The following KIAA2012 variants were observed in gnomAD, a reference collection of about 807,000 sequenced individuals.
The protein encoded by KIAA2012 is uncharacterized protein KIAA2012.
KIAA2012 carries 125 observed loss-of-function variants against 150.6 expected under a neutral mutation model. The ratio of observed to expected loss-of-function variants is 0.83; its 90% CI spans 0.72 to 0.96. The LOEUF (loss-of-function observed/expected upper bound fraction) is 0.96. KIAA2012 is among the 40% of genes least tolerant of loss of function. The probability of loss-of-function intolerance (pLI) is 0.00; values close to 1 mark genes in which losing one functional copy is unlikely to be tolerated. For synonymous variants in KIAA2012, 462 were observed against 504.7 expected (o/e 0.92, Z 1.13); for missense variants, 1,219 against 1,354.9 (o/e 0.90, Z 1.57).
At chr2:202,135,331 A>G (rs565848488) in intron 12 of KIAA2012, among the ~76,000 whole-genome samples, 84 of 152,360 alleles carry the variant, frequency 5.5e-4, no homozygotes, top group African/African-American at 1.9e-3. Flanking sequence ...GAATGTGCAC[A>G]CCAGTTTCTG....
chr2:202,080,415 C>T (rs1266161312), intron 2 of KIAA2012, among the ~76,000 whole-genome samples: 2 of 152,084 alleles, frequency 1.3e-5, no homozygotes, highest in South Asian at 4.1e-4. Context: ...TGACTGGGGC[C>T]GGGCACGATG....
chr2:202,202,104 T>C lies in KIAA2012; in HGVS notation c.3408-325T>C, dbSNP rs534585102. Among the ~76,000 whole-genome samples, 5 of 152,278 alleles carry C rather than the reference T, an allele frequency of 3.3e-5. No homozygotes were observed. In the South Asian group the frequency reaches 1.0e-3, roughly 32 times the overall value. On this transcript the variant is annotated intron_variant, in intron 22 of 23. Coordinates refer to ENST00000498697, the MANE Select transcript of KIAA2012 (RefSeq NM_001277372.4). ...AACACCTGGCCTATCTGCCTGCCTC[T>C]ACCTCCCAAAGTGCTGCGATTGCAG... is the stretch of plus-strand genomic sequence containing the variant.
intron 12 of KIAA2012, among the ~76,000 whole-genome samples, chr2:202,131,073 C>A (rs1363101949): frequency 1.3e-5 from 2 of 152,172 alleles, no homozygotes; most frequent in East Asian, 3.8e-4. Context: ...CATAATCCCT[C>A]CTTTGAAAAT....
intron 2 of KIAA2012, among the ~76,000 whole-genome samples, chr2:202,081,997 A>G (rs1419791384): frequency 6.6e-6 from 1 of 152,076 alleles, no homozygotes; most frequent in African/African-American, 2.4e-5. Context: ...AATTTCTTTT[A>G]TTTTATAATA....
chr2:202,105,753 T>C lies in KIAA2012; in HGVS notation c.1325-8T>C. ...CTGCTACAATTCAGCCTCCTCTTTG[T>C]CTCCTAGGTGCTCCACACCCTGAGT... is the stretch of plus-strand genomic sequence containing the variant. On this transcript the variant is annotated splice_region_variant and splice_polypyrimidine_tract_variant and intron_variant, in intron 8 of 23. Coordinates refer to ENST00000498697, the MANE Select transcript of KIAA2012 (RefSeq NM_001277372.4). 1.9e-6 allele frequency: 3 copies of C among 1,548,524 alleles called. No individual in the cohort carries two copies. In the South Asian group the frequency reaches 3.6e-5, roughly 18 times the overall value.
rs2105920939 is a variant in KIAA2012 at position 202,099,754 on chromosome 2, T to C, written c.970T>C (p.Phe324Leu). 1 of 1,550,436 alleles carries C rather than the reference T, an allele frequency of 6.4e-7. No homozygotes were observed. Among genetic ancestry groups the C allele is most frequent in the East Asian group, 2.4e-5 (1 of 40,916 alleles). The change falls in exon 6 of 24, where the codon TTC becomes CTC. Residue 324 changes from phenylalanine (F) to leucine (L), a missense_variant. Phe to Leu is a conservative substitution (Grantham distance 22). Transcript: ENST00000498697. ...CCCAAGTGACAAATCCCACATTACA[T>C]TCTGTGGAGGCGCCTTCCCTAATAG... Reference protein sequence around the residue: ...WLPSDKSHITFCGGAFPNRKA... With the variant: ...WLPSDKSHITLCGGAFPNRKA...
rs182203093 is a variant in KIAA2012, at chr2:202,097,421, G to A, written c.686-14G>A. ...TTCCAGGGTGACAAGCTGACCCATT[G>A]TTCACCATTGCAGGTCAACAGGGCC... is the stretch of plus-strand genomic sequence containing the variant. On this transcript the variant is annotated splice_polypyrimidine_tract_variant and intron_variant, in intron 4 of 23. Coordinates refer to ENST00000498697, the MANE Select transcript of KIAA2012 (RefSeq NM_001277372.4). 38 of 1,550,296 alleles carry A rather than the reference G, an allele frequency of 2.5e-5. No homozygotes were observed. In the East Asian group the frequency reaches 8.8e-4, roughly 36 times the overall value.
At chr2:202,084,308 T>C (rs1241613108) in intron 2 of KIAA2012, among the ~76,000 whole-genome samples, 1 of 152,178 alleles carries the variant, frequency 6.6e-6, no homozygotes, top group African/African-American at 2.4e-5. Context: ...CGTCTCCTTC[T>C]ATCCTCTGAA....
At chr2:202,106,912 G>A (rs1418480375) in intron 9 of KIAA2012, among the ~76,000 whole-genome samples, 1 of 152,168 alleles carries the variant, frequency 6.6e-6, no homozygotes, top group East Asian at 1.9e-4. Flanking sequence ...CAGTATCACA[G>A]ATGTCAAGTG....
At chr2:202,132,705 T>C (rs1482822880) in intron 12 of KIAA2012, among the ~76,000 whole-genome samples, 1 of 127,780 alleles carries the variant, frequency 7.8e-6, no homozygotes, top group Non-Finnish European at 1.6e-5. Context: ...TGTATATATA[T>C]ATGTATATAT....
chr2:202,185,360 G>A (rs1347468170), intron 16 of KIAA2012, among the ~76,000 whole-genome samples: 2 of 152,132 alleles, frequency 1.3e-5, no homozygotes, highest in South Asian at 4.1e-4. Flanking sequence ...GGCAGCTGGC[G>A]TGGCCTCTCT....
chr2:202,090,591 A>G (rs1471987089), intron 2 of KIAA2012, among the ~76,000 whole-genome samples, 179 bp from the exon 3 acceptor site: 1 of 152,232 alleles, frequency 6.6e-6, no homozygotes, highest in African/African-American at 2.4e-5. Flanking sequence ...GGGGCCTTTC[A>G]GAGCTTTGCT....
At chr2:202,118,922 A>G in intron 11 of KIAA2012, among the ~76,000 whole-genome samples, 1 of 152,218 alleles carries the variant, frequency 6.6e-6, no homozygotes, top group Non-Finnish European at 1.5e-5. Context: ...CTAGAAACAT[A>G]AAGACTTCCC....
At chr2:202,180,991 A>G (rs1692107295) in intron 15 of KIAA2012, among the ~76,000 whole-genome samples, 1 of 152,104 alleles carries the variant, frequency 6.6e-6, no homozygotes, top group Admixed American at 6.5e-5. Context: ...TTTTTTTGAG[A>G]CAGGGTCCCA....
intron 7 of KIAA2012, among the ~76,000 whole-genome samples, chr2:202,101,467 C>T (rs1227227159): frequency 6.6e-6 from 1 of 152,220 alleles, no homozygotes; most frequent in Non-Finnish European, 1.5e-5. Context: ...CGACTTTGCT[C>T]CTGGGTCAGG....
At chr2:202,169,544 C>T (rs1691842266) in intron 15 of KIAA2012, among the ~76,000 whole-genome samples, 1 of 152,194 alleles carries the variant, frequency 6.6e-6, no homozygotes, top group Admixed American at 6.5e-5. Context: ...TCCCAGCAGC[C>T]AATGCCCTCA....
intron 15 of KIAA2012, 56 bp from the exon 16 acceptor site, chr2:202,184,697 C>A: frequency 2.4e-6 from 3 of 1,244,238 alleles, no homozygotes; most frequent in Non-Finnish European, 2.2e-6. Flanking sequence ...CATGTCTGAT[C>A]TCCTCCTAGG....
intron 13 of KIAA2012, among the ~76,000 whole-genome samples, chr2:202,142,296 T>C (rs1180054772): frequency 6.6e-6 from 1 of 152,190 alleles, no homozygotes; most frequent in African/African-American, 2.4e-5. Context: ...TAAAGCAAAA[T>C]GGCAATATAA....
At chr2:202,087,070 G>A (rs1193257843) in intron 2 of KIAA2012, among the ~76,000 whole-genome samples, 1 of 152,126 alleles carries the variant, frequency 6.6e-6, no homozygotes, top group East Asian at 1.9e-4. Flanking sequence ...ACTTGTTTGT[G>A]TAAATAGAGT....
Sources: gnomAD v4.1 joint callset for allele counts (sites outside exome capture counted in the v4.1 genomes callset) on GRCh38, gnomAD v4.1.1 for gene constraint, MANE v1.5 for transcripts, NCBI Gene and HGNC (gene_info 2026-07-23, HGNC 2026-07-21) for gene names.